The following PIK3R3 variants were observed in gnomAD, a reference collection of about 807,000 sequenced individuals.
PIK3R3 encodes the protein phosphatidylinositol 3-kinase regulatory subunit gamma.
PIK3R3 carries 64 observed loss-of-function variants against 62.9 expected under a neutral mutation model. The ratio of observed to expected loss-of-function variants is 1.02; its 90% CI spans 0.83 to 1.25. PIK3R3 has a LOEUF of 1.25. Ranked by LOEUF, PIK3R3 falls within the 50% of genes most tolerant of loss-of-function variation. The pLI is 0.00. For synonymous variants in PIK3R3, 165 were observed against 189.0 expected (o/e 0.87, Z 1.04); for missense variants, 614 against 561.6 (o/e 1.09, Z -0.94).
the PIK3R3 span, among the ~76,000 whole-genome samples, chr1:46,149,076 C>T: frequency 6.6e-6 from 1 of 152,104 alleles, no homozygotes; most frequent in Non-Finnish European, 1.5e-5. Context: ...TGAAAATGAC[C>T]TCTGGTCCCT....
intron 6 of PIK3R3, among the ~76,000 whole-genome samples, chr1:46,059,354 T>C (rs1280759949): frequency 6.6e-6 from 1 of 152,240 alleles, no homozygotes; most frequent in Non-Finnish European, 1.5e-5. Flanking sequence ...GTTAATTAAA[T>C]GTGACAATAC....
At position 46,084,938 on chromosome 1, in the gene PIK3R3, G is replaced by T. The variant is rs185862133; in HGVS notation, c.107-4188C>A. On this transcript the variant is annotated intron_variant, in intron 1 of 9. Transcript: ENST00000262741. ...GGTTACACTCTAATCACCTTCAAAC[G>T]GTGTTATGGAGACTTTTCTACATCC... Among the ~76,000 whole-genome samples the T allele has an allele frequency of 1.1e-4, 16 of 152,228 alleles. No homozygotes were observed. The East Asian group carries it at 3.1e-3, about 29-fold the overall frequency.
Position 46,049,458 on chromosome 1 carries a change from G to A in PIK3R3, c.942-2833C>T, listed in dbSNP as rs766124200. Among the ~76,000 whole-genome samples, 42 of 152,376 alleles carry A rather than the reference G, an allele frequency of 2.8e-4. 1 individual carries two copies. In the Middle Eastern group the frequency reaches 0.034, roughly 123 times the overall value. On this transcript the variant is annotated intron_variant, in intron 7 of 9. Transcript: ENST00000262741. ...GAAAGCAGAAGCTTAGAGCCTGGCT[G>A]AAGTAGAAAACGGGGTGACAGAAAA...
the PIK3R3 span, among the ~76,000 whole-genome samples, chr1:46,166,814 G>T: frequency 1.3e-5 from 2 of 152,168 alleles, no homozygotes; most frequent in Non-Finnish European, 2.9e-5. Context: ...TAGGGGACGT[G>T]GATTCTACAT....
chr1:46,133,351 G>C (rs1442305288), upstream of PIK3R3, among the ~76,000 whole-genome samples: 1 of 152,222 alleles, frequency 6.6e-6, no homozygotes, highest in Non-Finnish European at 1.5e-5. Context: ...GTAAGGAGAG[G>C]AGCCAGGGAG....
chr1:46,064,965 T>C lies in PIK3R3; in HGVS notation c.621+1089A>G, dbSNP rs570528635. Among the ~76,000 whole-genome samples, 8 of 152,316 alleles carry C rather than the reference T, an allele frequency of 5.3e-5. No homozygotes were observed. In the East Asian group the frequency reaches 5.8e-4, roughly 11 times the overall value. ...AAGTAAACACTAAAAAAATCCATTATTGTTATCTACTAGAAAGAGCCCAAG... is the reference window on the plus strand; with the variant it reads ...AAGTAAACACTAAAAAAATCCATTACTGTTATCTACTAGAAAGAGCCCAAG... On this transcript the variant is annotated intron_variant, in intron 5 of 9. Transcript: ENST00000262741.
intron 2 of PIK3R3, among the ~76,000 whole-genome samples, chr1:46,079,317 T>C (rs948870852): frequency 2.0e-5 from 3 of 152,190 alleles, no homozygotes; most frequent in African/African-American, 7.2e-5. Context: ...ATTAAATGTA[T>C]ATAATTCCCT....
rs1481561164 is a variant in PIK3R3, at chr1:46,043,365, C to T, written c.*308G>A. 2.4e-6 allele frequency: 1 copy of T among 414,388 alleles called. No homozygotes were observed. The highest frequency in any genetic ancestry group is 4.5e-6 in the Non-Finnish European group (1 of 222,208). The allele number at this position is 414,388 out of a possible 1,614,324, so 25.7% of individuals were successfully genotyped here. A position where few individuals can be genotyped will look rare whatever the true frequency, so the allele number is the denominator to read the frequency against. On this transcript the variant is annotated 3_prime_UTR_variant, in exon 10 of 10. Transcript: ENST00000262741. ...CAAATACAACCCCACCCGCTATAAC[C>T]ATCAAGCCTAATATTCTGTTGAGGG...
chr1:46,112,736 C>T (rs1380990884), intron 1 of PIK3R3, among the ~76,000 whole-genome samples: 1 of 152,124 alleles, frequency 6.6e-6, no homozygotes, highest in African/African-American at 2.4e-5. Context: ...CTCTAGTCCC[C>T]AAACCTAGAA....
intron 1 of PIK3R3, among the ~76,000 whole-genome samples, chr1:46,126,537 CAA>C (rs748267192): frequency 1.4e-4 from 12 of 86,510 alleles, no homozygotes; most frequent in Non-Finnish European, 1.5e-4. Flanking sequence ...GACCCTGTCT[CAA>C]AAAAAAAAAA....
At chr1:46,111,858 T>C (rs187342684) in intron 1 of PIK3R3, among the ~76,000 whole-genome samples, 1 of 152,326 alleles carries the variant, frequency 6.6e-6, no homozygotes, top group Admixed American at 6.5e-5. Flanking sequence ...TTTCCTACAC[T>C]TTTTAGTATT....
At chr1:46,058,195 A>G (rs1418646022) in intron 6 of PIK3R3, among the ~76,000 whole-genome samples, 1 of 152,238 alleles carries the variant, frequency 6.6e-6, no homozygotes, top group Non-Finnish European at 1.5e-5. Flanking sequence ...CTGCAGGTGC[A>G]CAGAAGTCAA....
At chr1:46,049,403 G>T (rs76864920) in intron 7 of PIK3R3, among the ~76,000 whole-genome samples, 1 of 152,214 alleles carries the variant, frequency 6.6e-6, no homozygotes, top group Non-Finnish European at 1.5e-5. Flanking sequence ...CAGGAGAAAC[G>T]ACTTTGAAGC....
At chr1:46,147,757 C>G in the PIK3R3 span, among the ~76,000 whole-genome samples, 1 of 152,250 alleles carries the variant, frequency 6.6e-6, no homozygotes, top group South Asian at 2.1e-4. Flanking sequence ...TGTTGCACCT[C>G]ACTATCAGAC....
At chr1:46,051,674 T>C (rs992687302) in intron 7 of PIK3R3, among the ~76,000 whole-genome samples, 4 of 152,168 alleles carry the variant, frequency 2.6e-5, no homozygotes, top group Non-Finnish European at 4.4e-5. Context: ...TGTACCTATA[T>C]TGTTATGGCC....
At chr1:46,051,266 T>G (rs1402033531) in intron 7 of PIK3R3, among the ~76,000 whole-genome samples, 1 of 152,076 alleles carries the variant, frequency 6.6e-6, no homozygotes, top group Non-Finnish European at 1.5e-5. Context: ...GAACTTTTTT[T>G]TCTTTTTTTT....
chr1:46,067,118 G>C, intron 3 of PIK3R3, 27 bp from the exon 4 acceptor site: 1 of 1,502,000 alleles, frequency 6.7e-7, no homozygotes, highest in Non-Finnish European at 8.9e-7. Context: ...AACAACTGTG[G>C]ATTTTTTTCC....
chr1:46,069,993 C>T (rs574631834), intron 3 of PIK3R3, among the ~76,000 whole-genome samples: 6 of 152,188 alleles, frequency 3.9e-5, no homozygotes, highest in African/African-American at 1.4e-4. Context: ...AAGGATAGAA[C>T]CCTGACTGGA....
rs1646996936 is a variant in PIK3R3 at position 46,041,543 on chromosome 1, GT to G, written c.*2129del. The stretch of plus-strand genomic sequence containing the variant: ...GCCCTGTATCTGTATTTCCATTTTG[GT>G]TTAAAAGACACTCAGAACACACTGA... On this transcript the variant is annotated 3_prime_UTR_variant, in exon 10 of 10. Coordinates refer to ENST00000262741, the MANE Select transcript of PIK3R3 (RefSeq NM_003629.4). 5.6e-6 allele frequency: 1 copy of G among 177,808 alleles called. No individual in the cohort carries two copies. The highest frequency in any genetic ancestry group is 6.3e-5 in the Admixed American group (1 of 15,830). 11.0% of individuals were successfully genotyped at this position (177,808 alleles called of 1,614,324 possible).
Sources: gnomAD v4.1 joint callset for allele counts (sites outside exome capture counted in the v4.1 genomes callset) on GRCh38, gnomAD v4.1.1 for gene constraint, MANE v1.5 for transcripts, NCBI Gene and HGNC (gene_info 2026-07-23, HGNC 2026-07-21) for gene names.